The following TYR variants were observed in gnomAD, a reference collection of about 807,000 sequenced individuals.
TYR encodes the protein LB24-AB.
Under a neutral mutation model 51.5 loss-of-function variants are expected in TYR, and 58 were observed. That is an observed-to-expected ratio of 1.13 (90% confidence interval 0.91 to 1.40). The LOEUF is 1.40. Ranked by LOEUF, TYR falls within the 40% of genes most tolerant of loss-of-function variation. The pLI is 0.00. For missense variants in TYR, 732 were observed against 647.4 expected, an observed-to-expected ratio of 1.13 and a Z score of -1.42; for synonymous variants, 263 against 235.2, an observed-to-expected ratio of 1.12 and a Z score of -1.08.
At chr11:89,182,830 G>A (rs1186056137) in intron 1 of TYR, among the ~76,000 whole-genome samples, 2 of 151,304 alleles carry the variant, frequency 1.3e-5, no homozygotes, top group Non-Finnish European at 2.9e-5. Flanking sequence ...AAAAATAAAA[G>A]GGGTATCAGG....
intron 3 of TYR, among the ~76,000 whole-genome samples, chr11:89,262,018 T>C (rs1234608246): frequency 1.3e-5 from 2 of 152,078 alleles, no homozygotes; most frequent in Non-Finnish European, 2.9e-5. Context: ...AAACAAAATA[T>C]ACCAAAGCCA....
intron 2 of TYR, among the ~76,000 whole-genome samples, chr11:89,215,381 G>T (rs1053478434): frequency 7.5e-5 from 11 of 146,728 alleles, no homozygotes; most frequent in African/African-American, 2.8e-4. Flanking sequence ...GGGGTGGGGG[G>T]CTGGGGGAGG....
At chr11:89,195,527 A>G (rs1272487420) in intron 2 of TYR, among the ~76,000 whole-genome samples, 1 of 151,998 alleles carries the variant, frequency 6.6e-6, no homozygotes, top group Non-Finnish European at 1.5e-5. Context: ...AAAAATACAA[A>G]AATTAGCCAG....
chr11:89,218,662 C>T (rs529875000), intron 2 of TYR, among the ~76,000 whole-genome samples: 79 of 152,286 alleles, frequency 5.2e-4, no homozygotes, highest in African/African-American at 1.8e-3. Flanking sequence ...AACATCACTA[C>T]AATCCTACTT....
chr11:89,178,696 C>G lies in TYR; in HGVS notation c.743C>G (p.Thr248Arg). The G allele has an allele frequency of 6.2e-7, 1 of 1,614,038 alleles. No individual in the cohort carries two copies. The change falls in exon 1 of 5, where the codon ACA becomes AGA. Residue 248 changes from threonine to arginine, a missense_variant. Coordinates refer to ENST00000263321, the MANE Select transcript of TYR (RefSeq NM_000372.5). ...GATGCAGAAAAGTGTGACATTTGCA[C>G]AGATGAGTACATGGGAGGTCAGCAC... ...WRDAEKCDICTDEYMGGQHPT... is the reference protein window; with the variant it reads ...WRDAEKCDICRDEYMGGQHPT...
chr11:89,247,584 C>T (rs1590876839), intron 3 of TYR, among the ~76,000 whole-genome samples: 1 of 152,092 alleles, frequency 6.6e-6, no homozygotes, highest in East Asian at 1.9e-4. Context: ...AGCTTAAAGG[C>T]AGGGGGAAAA....
chr11:89,260,924 CCT>C (rs1205677630), intron 3 of TYR, among the ~76,000 whole-genome samples: 1 of 152,054 alleles, frequency 6.6e-6, no homozygotes, highest in Non-Finnish European at 1.5e-5. Flanking sequence ...AGCTCTGCCT[CCT>C]GTCAGCTAAG....
In TYR at chr11:89,227,794, TA is replaced by T. The variant is rs758278271; in HGVS notation, c.1037-28del. 3.1e-6 allele frequency: 5 copies of T among 1,601,082 alleles called. No homozygotes were observed. The African/African-American group carries it at 5.4e-5, about 17-fold the overall frequency. ...AGGTTTTCAGTCATTAAAGTAAACATATTTTTTTCATTTTTTTTTAATGAAC... is the reference window on the plus strand; with the variant it reads ...AGGTTTTCAGTCATTAAAGTAAACATTTTTTTTCATTTTTTTTTAATGAAC... On this transcript the variant is annotated intron_variant, in intron 2 of 4. Coordinates refer to ENST00000263321, the MANE Select transcript of TYR (RefSeq NM_000372.5).
chr11:89,268,114 C>T (rs1489888609), intron 3 of TYR, among the ~76,000 whole-genome samples: 7 of 151,892 alleles, frequency 4.6e-5, no homozygotes, highest in Non-Finnish European at 1.0e-4. Context: ...TTTTATATCC[C>T]TTTTGTCCTC....
intron 2 of TYR, chr11:89,192,015 G>A (rs369059427): frequency 1.1e-5 from 5 of 453,598 alleles, no homozygotes; most frequent in Non-Finnish European, 2.2e-5. Flanking sequence ...AATATTCTAG[G>A]CAGTGGGTTC....
intron 3 of TYR, among the ~76,000 whole-genome samples, chr11:89,228,222 T>C (rs989807802): frequency 2.0e-5 from 3 of 152,164 alleles, no homozygotes; most frequent in African/African-American, 7.2e-5. Context: ...AAAATAAGTG[T>C]ACAATGTCAG....
Position 89,191,317 on chromosome 11 carries a change from T to C in TYR, c.935T>C (p.Leu312Pro), listed in dbSNP as rs1565391962. 1 of 1,613,680 alleles carries C rather than the reference T, an allele frequency of 6.2e-7. No homozygotes were observed. ...GNHDKSRTPR[L>P]PSSADVEFCL... ...CATGACAAATCCAGAACCCCAAGGC[T>C]CCCCTCTTCAGCTGATGTAGAATTT... The change falls in exon 2 of 5, where the codon CTC becomes CCC. Residue 312 changes from leucine (L) to proline (P), a missense_variant. Transcript: ENST00000263321.
chr11:89,220,362 A>C (rs1943892941), intron 2 of TYR, among the ~76,000 whole-genome samples: 1 of 152,178 alleles, frequency 6.6e-6, no homozygotes, highest in Non-Finnish European at 1.5e-5. Context: ...CACTATTGTG[A>C]GAACAGCACC....
intron 2 of TYR, among the ~76,000 whole-genome samples, chr11:89,216,960 G>T (rs1304172832): frequency 1.3e-5 from 2 of 152,084 alleles, no homozygotes; most frequent in Non-Finnish European, 2.9e-5. Flanking sequence ...CCAGCTAGTG[G>T]CCATGTGTCC....
chr11:89,197,298 G>A (rs1196015724), intron 2 of TYR, among the ~76,000 whole-genome samples: 1 of 151,826 alleles, frequency 6.6e-6, no homozygotes, highest in Non-Finnish European at 1.5e-5. Context: ...CTTCTTGAAG[G>A]AAAAAAACAC....
intron 4 of TYR, among the ~76,000 whole-genome samples, chr11:89,286,762 TAAG>T (rs1209579561): frequency 6.6e-6 from 1 of 151,826 alleles, no homozygotes; most frequent in Non-Finnish European, 1.5e-5. Context: ...TTAAGATCAC[TAAG>T]AACAGAGAAA....
intron 2 of TYR, among the ~76,000 whole-genome samples, chr11:89,220,636 C>A (rs1195357038): frequency 6.6e-6 from 1 of 152,062 alleles, no homozygotes; most frequent in Non-Finnish European, 1.5e-5. Context: ...TGCCTGTAAT[C>A]CCAGCTACTC....
chr11:89,177,901 T>A lies in TYR; in HGVS notation c.-53T>A. 6 of 1,576,094 alleles carry A rather than the reference T, an allele frequency of 3.8e-6. No individual in the cohort carries two copies. In the South Asian group the frequency reaches 6.7e-5, roughly 18 times the overall value. On this transcript the variant is annotated 5_prime_UTR_variant, in exon 1 of 5. Coordinates refer to ENST00000263321, the MANE Select transcript of TYR (RefSeq NM_000372.5). ...CTGTAGTAGTAGCTGGAAAGAGAAA[T>A]CTGTGACTCCAATTAGCCAGTTCCT... is the stretch of plus-strand genomic sequence containing the variant.
chr11:89,229,961 A>G (rs1944025543), intron 3 of TYR, among the ~76,000 whole-genome samples: 1 of 152,096 alleles, frequency 6.6e-6, no homozygotes, highest in Admixed American at 6.6e-5. Context: ...TAAAATTACT[A>G]TACTACCCAA....
Sources: allele counts gnomAD v4.1 joint callset (sites outside exome capture counted in the v4.1 genomes callset), GRCh38; gene constraint gnomAD v4.1.1; transcripts MANE v1.5; gene names NCBI Gene and HGNC (gene_info 2026-07-23, HGNC 2026-07-21).